Variants in CHST9 observed in about 807,000 individuals in gnomAD.
The protein encoded by CHST9 is carbohydrate sulfotransferase 9.
In CHST9, 41 loss-of-function variants were observed where a neutral mutation model predicts 44.4. The observed-to-expected ratio is 0.92, with a 90% CI of 0.72 to 1.20. CHST9 has a LOEUF of 1.20. CHST9 is among the 50% of genes most tolerant of loss of function. The pLI is 0.00. For synonymous variants in CHST9, 171 were observed against 178.4 expected (o/e 0.96, Z 0.33); for missense variants, 504 against 516.5 (o/e 0.98, Z 0.23).
At position 26,976,322 on chromosome 18, in the gene CHST9, A is replaced by C. The variant is rs141955170; in HGVS notation, c.203-31956T>G. On this transcript the variant is annotated intron_variant, in intron 4 of 5. Coordinates refer to ENST00000618847, the MANE Select transcript of CHST9 (RefSeq NM_031422.6). ...AAAAAGGAGTTGTGGCCAAAGCTGG[A>C]TATTGTTTCACTGAATTTACAGAAT... Among the ~76,000 whole-genome samples the C allele has an allele frequency of 3.7e-4, 57 of 152,166 alleles. 1 individual carries two copies. The East Asian group carries it at 7.2e-3, about 19-fold the overall frequency.
At chr18:27,113,690 C>G (rs772432655) in intron 2 of CHST9, among the ~76,000 whole-genome samples, 21 of 152,178 alleles carry the variant, frequency 1.4e-4, no homozygotes, top group Non-Finnish European at 2.2e-4. Context: ...GACACTGAAT[C>G]TATTGGCACC....
chr18:27,058,311 A>G (rs911035467), intron 2 of CHST9, among the ~76,000 whole-genome samples: 1 of 152,188 alleles, frequency 6.6e-6, no homozygotes, highest in Non-Finnish European at 1.5e-5. Flanking sequence ...TATTATATTG[A>G]GAAAAACTGG....
intron 2 of CHST9, among the ~76,000 whole-genome samples, chr18:27,089,436 T>C (rs2058045873): frequency 6.6e-6 from 1 of 152,158 alleles, no homozygotes; most frequent in Admixed American, 6.5e-5. Context: ...GGTTTCCAGC[T>C]TCATCCATGT....
At chr18:27,091,009 G>A (rs2058063243) in intron 2 of CHST9, among the ~76,000 whole-genome samples, 1 of 152,116 alleles carries the variant, frequency 6.6e-6, no homozygotes, top group Non-Finnish European at 1.5e-5. Context: ...TGATGGGGAT[G>A]GCGTTGAATC....
intron 1 of CHST9, among the ~76,000 whole-genome samples, chr18:27,149,663 C>G (rs2058644593): frequency 1.4e-5 from 2 of 146,552 alleles, no homozygotes; most frequent in African/African-American, 2.5e-5. Context: ...TGAGGCCTTT[C>G]AATATACCTC....
At chr18:27,008,084 G>C (rs1196546001) in intron 4 of CHST9, among the ~76,000 whole-genome samples, 1 of 152,134 alleles carries the variant, frequency 6.6e-6, no homozygotes, top group Non-Finnish European at 1.5e-5. Flanking sequence ...CCACAGCATA[G>C]GAGGGACGAC....
intron 1 of CHST9, among the ~76,000 whole-genome samples, chr18:27,176,032 T>A (rs1185999727): frequency 6.6e-6 from 1 of 151,886 alleles, no homozygotes; most frequent in Non-Finnish European, 1.5e-5. Context: ...AGAGAATGCT[T>A]GAGTTTGTGT....
intron 2 of CHST9, among the ~76,000 whole-genome samples, chr18:27,062,520 C>T (rs2057736266): frequency 6.6e-6 from 1 of 152,188 alleles, no homozygotes. Flanking sequence ...CATAGTATTC[C>T]ATGGTGTATA....
Position 27,078,730 on chromosome 18 carries a change from A to T in CHST9, c.122-30227T>A, listed in dbSNP as rs11661924. 5.9e-5 allele frequency among the ~76,000 whole-genome samples: 9 copies of T among 152,230 alleles called. No homozygotes were observed. In the South Asian group the frequency reaches 1.9e-3, roughly 32 times the overall value. On this transcript the variant is annotated intron_variant, in intron 2 of 5. Coordinates refer to ENST00000618847, the MANE Select transcript of CHST9 (RefSeq NM_031422.6). ...ATCTCCATCCTCTTGTCATCTCTGT[A>T]TAAAGAGCTGAAAAAGGGTGGCAGA... is the stretch of plus-strand genomic sequence containing the variant.
chr18:26,967,446 T>C (rs2056481515), intron 4 of CHST9, among the ~76,000 whole-genome samples: 1 of 152,206 alleles, frequency 6.6e-6, no homozygotes, highest in South Asian at 2.1e-4. Flanking sequence ...AAACACCTTT[T>C]TGTTGGTCCC....
intron 2 of CHST9, among the ~76,000 whole-genome samples, chr18:27,075,520 C>T (rs984501046): frequency 2.6e-5 from 4 of 152,142 alleles, no homozygotes; most frequent in African/African-American, 9.7e-5. Context: ...GTCTGACATT[C>T]TTACAAAATT....
At chr18:27,059,429 C>T (rs1598684598) in intron 2 of CHST9, among the ~76,000 whole-genome samples, 1 of 152,180 alleles carries the variant, frequency 6.6e-6, no homozygotes, top group East Asian at 1.9e-4. Flanking sequence ...TCTAAAGGAT[C>T]AATTAGTGGA....
intron 2 of CHST9, among the ~76,000 whole-genome samples, chr18:27,136,943 T>C (rs539471182): frequency 6.6e-6 from 1 of 152,224 alleles, no homozygotes; most frequent in Non-Finnish European, 1.5e-5. Context: ...TGTAAACTAT[T>C]AGATGCAATC....
intron 1 of CHST9, among the ~76,000 whole-genome samples, chr18:27,176,436 T>G: frequency 6.6e-6 from 1 of 151,942 alleles, no homozygotes; most frequent in East Asian, 1.9e-4. Context: ...TTGTAATTAA[T>G]TTTGGAGGTC....
chr18:27,044,948 A>G (rs904233451), intron 3 of CHST9, among the ~76,000 whole-genome samples: 1 of 151,922 alleles, frequency 6.6e-6, no homozygotes, highest in South Asian at 2.1e-4. Flanking sequence ...AAGCATCAAC[A>G]CACTCAGTCA....
At chr18:27,166,307 C>T (rs2058789834) in intron 1 of CHST9, among the ~76,000 whole-genome samples, 1 of 152,184 alleles carries the variant, frequency 6.6e-6, no homozygotes, top group African/African-American at 2.4e-5. Flanking sequence ...CAGGGCTCTT[C>T]CTGATCTAGC....
At position 27,142,732 on chromosome 18, in the gene CHST9, G is replaced by T; in HGVS notation, c.78C>A (p.Leu26=). The T allele has an allele frequency of 6.2e-7, 1 of 1,611,808 alleles. No homozygotes were observed. Among genetic ancestry groups the T allele is most frequent in the Non-Finnish European group, 8.5e-7 (1 of 1,178,748 alleles). Residue 26 remains leucine (L), a synonymous_variant, in exon 2 of 6, where the codon CTC becomes CTA. Coordinates refer to ENST00000618847, the MANE Select transcript of CHST9 (RefSeq NM_031422.6). ...SVLIFGVAGL[L]LFMYLQVWIE... ...TCCAGACTTGCAAATACATGAAGAG[G>T]AGTAGCCCAGCTACTCCAAATATCA...
chr18:27,101,427 T>G (rs1598725314), intron 2 of CHST9, among the ~76,000 whole-genome samples: 1 of 115,588 alleles, frequency 8.7e-6, no homozygotes, highest in Non-Finnish European at 1.8e-5. Context: ...CCCTCTCTAC[T>G]AAAAATACAA....
chr18:27,010,233 G>A (rs1387493476), intron 4 of CHST9, among the ~76,000 whole-genome samples: 1 of 151,926 alleles, frequency 6.6e-6, no homozygotes, highest in Non-Finnish European at 1.5e-5. Flanking sequence ...TTAACTTTTA[G>A]CCCTGGGGAC....
Sources: gnomAD v4.1 joint callset for allele counts (sites outside exome capture counted in the v4.1 genomes callset) on GRCh38, gnomAD v4.1.1 for gene constraint, MANE v1.5 for transcripts, NCBI Gene and HGNC (gene_info 2026-07-23, HGNC 2026-07-21) for gene names.